The following TFPT variants were observed in gnomAD, a reference collection of about 807,000 sequenced individuals.
The protein encoded by TFPT is TCF3 fusion partner.
Under a neutral mutation model 28.8 loss-of-function variants are expected in TFPT, and 27 were observed. The observed-to-expected ratio is 0.94, with a 90% CI of 0.69 to 1.29. The LOEUF is 1.29. TFPT is among the 50% of genes most tolerant of loss of function. TFPT has a pLI of 0.00. For synonymous variants in TFPT, 152 were observed against 142.8 expected, an observed-to-expected ratio of 1.06 and a Z score of -0.46; for missense variants, 330 against 338.0, an observed-to-expected ratio of 0.98 and a Z score of 0.19.
chr19:54,110,190 T>C (rs2073414528), intron 2 of TFPT, 69 bp from the exon 3 acceptor site: 1 of 1,544,874 alleles, frequency 6.5e-7, no homozygotes, highest in Non-Finnish European at 8.9e-7. Flanking sequence ...GGATGTTTAA[T>C]GGGGCACGCA....
rs745524150 is a variant in TFPT at position 54,108,212 on chromosome 19, G to A, written c.456C>T (p.Thr152=). ...GAGGCTCATTCTCCGCATTGCCTGG[G>A]GTGGGGGCATCCGTGCCCTGGCTGC... ...DEGSQGTDAP[T]PGNAENEPPE... Residue 152 remains threonine (T), a synonymous_variant, in exon 5 of 6, where the codon ACC becomes ACT. Coordinates refer to ENST00000391759, the MANE Select transcript of TFPT (RefSeq NM_013342.4). The A allele has an allele frequency of 6.3e-7, 1 of 1,598,498 alleles. No homozygotes were observed.
Position 54,108,207 on chromosome 19 carries a change from C to A in TFPT, c.461G>T (p.Gly154Val). Residue 154 changes from glycine to valine, a missense_variant, in exon 5 of 6, where the codon GGC becomes GTC. Physicochemically the swap from Gly to Val is moderately radical, Grantham distance 109. Transcript: ENST00000391759. Reference protein sequence around the residue: ...GSQGTDAPTPGNAENEPPEKE... With the variant: ...GSQGTDAPTPVNAENEPPEKE... ...CTCTGGAGGCTCATTCTCCGCATTGCCTGGGGTGGGGGCATCCGTGCCCTG... is the reference window on the plus strand; with the variant it reads ...CTCTGGAGGCTCATTCTCCGCATTGACTGGGGTGGGGGCATCCGTGCCCTG... The A allele has an allele frequency of 6.3e-7, 1 of 1,598,142 alleles. No homozygotes were observed. Among genetic ancestry groups the A allele is most frequent in the African/African-American group, 1.3e-5 (1 of 74,742 alleles).
chr19:54,111,070 C>T (rs1459088209), intron 2 of TFPT, among the ~76,000 whole-genome samples: 2 of 152,064 alleles, frequency 1.3e-5, no homozygotes, highest in Admixed American at 1.3e-4. Flanking sequence ...GCCCGTGGGC[C>T]CAGACTTGAA....
intron 5 of TFPT, chr19:54,107,417 T>C (rs587645804): frequency 5.8e-6 from 3 of 520,294 alleles, no homozygotes; most frequent in African/African-American, 1.9e-5. Flanking sequence ...GCCTAACATG[T>C]TTTTTCTTTT....
intron 3 of TFPT, 61 bp downstream of exon 3, chr19:54,109,990 G>C (rs1490816575): frequency 6.4e-7 from 1 of 1,551,802 alleles, no homozygotes; most frequent in East Asian, 2.2e-5. Flanking sequence ...GAGAGACAGA[G>C]GGGCTGGGAG....
At chr19:54,114,391 C>G (rs771850775) in intron 2 of TFPT, 51 bp downstream of exon 2, 2 of 1,569,314 alleles carry the variant, frequency 1.3e-6, no homozygotes, top group Non-Finnish European at 8.6e-7. Flanking sequence ...TTGCGGGGGG[C>G]GGTAGTTTAG....
intron 3 of TFPT, among the ~76,000 whole-genome samples, chr19:54,109,824 T>C (rs796130545): frequency 0.065 from 3,361 of 51,846 alleles, 47 homozygotes; most frequent in African/African-American, 0.12. Flanking sequence ...TCAGTCCCAG[T>C]GCTCAGCCCT....
rs1221230100 is a variant in TFPT at position 54,108,227 on chromosome 19, G to T, written c.441C>A (p.Gly147=). The change falls in exon 5 of 6, where the codon GGC becomes GGA. Residue 147 remains glycine (G), a synonymous_variant. Coordinates refer to ENST00000391759, the MANE Select transcript of TFPT (RefSeq NM_013342.4). ...CATTGCCTGGGGTGGGGGCATCCGT[G>T]CCCTGGCTGCCCTCATCCTGGCAGG... ...TIVLEDEGSQ[G]TDAPTPGNAE... is the part of the protein sequence containing the mutation. The T allele has an allele frequency of 1.9e-6, 3 of 1,590,722 alleles. No individual in the cohort carries two copies. In the African/African-American group the frequency reaches 4.0e-5, roughly 21 times the overall value.
At chr19:54,109,631 G>A (rs1419227960) in intron 3 of TFPT, among the ~76,000 whole-genome samples, 4 of 152,134 alleles carry the variant, frequency 2.6e-5, no homozygotes, top group Admixed American at 1.3e-4. Context: ...CAACCCTGCC[G>A]CAGCCTCATG....
intron 2 of TFPT, among the ~76,000 whole-genome samples, chr19:54,113,858 A>T (rs587765393): frequency 6.6e-6 from 1 of 152,008 alleles, no homozygotes; most frequent in South Asian, 2.1e-4. Flanking sequence ...CACCTGGCTA[A>T]TTTTTTTGTA....
chr19:54,111,143 G>A (rs776476184), intron 2 of TFPT, among the ~76,000 whole-genome samples: 5 of 152,180 alleles, frequency 3.3e-5, no homozygotes, highest in Non-Finnish European at 7.3e-5. Flanking sequence ...AGCCCTGCAC[G>A]CAGCTTCTGA....
chr19:54,110,698 T>C (rs1408525122), intron 2 of TFPT, among the ~76,000 whole-genome samples: 1 of 151,490 alleles, frequency 6.6e-6, no homozygotes, highest in African/African-American at 2.4e-5. Context: ...CGAGGTTCTG[T>C]TTCAAAAAAA....
intron 2 of TFPT, 103 bp from the exon 3 acceptor site, chr19:54,110,224 G>C: frequency 7.8e-7 from 1 of 1,274,800 alleles, no homozygotes. Context: ...ACTGGCCAAA[G>C]ACCATCCCGT....
intron 5 of TFPT, 54 bp from the exon 6 acceptor site, chr19:54,107,223 A>G (rs1018934619): frequency 9.5e-6 from 15 of 1,580,800 alleles, no homozygotes; most frequent in Non-Finnish European, 1.2e-5. Context: ...AGAAAATCCC[A>G]TCAGCTTCAC....
intron 1 of TFPT, 64 bp from the exon 2 acceptor site, chr19:54,114,764 A>G: frequency 2.1e-6 from 3 of 1,453,024 alleles, no homozygotes; most frequent in Non-Finnish European, 2.7e-6. Flanking sequence ...CTCCCACTGA[A>G]CCAGGAGCCC....
chr19:54,114,315 T>C lies in TFPT; in HGVS notation c.282+127A>G, dbSNP rs1323795203. The stretch of plus-strand genomic sequence containing the variant: ...ACATAATGCATGCTAAATGACTGAA[T>C]ATATAAGCTAAATGACTGAATATAT... On this transcript the variant is annotated intron_variant, in intron 2 of 5. Transcript: ENST00000391759. 4 of 1,432,248 alleles carry C rather than the reference T, an allele frequency of 2.8e-6. No homozygotes were observed. The African/African-American group carries it at 5.7e-5, about 21-fold the overall frequency. 88.7% of individuals were successfully genotyped at this position (1,432,248 alleles called of 1,614,324 possible). A position where few individuals can be genotyped will look rare whatever the true frequency, so the allele number is the denominator to read the frequency against.
chr19:54,109,470 C>G (rs1447246940), intron 3 of TFPT, among the ~76,000 whole-genome samples: 1 of 152,166 alleles, frequency 6.6e-6, no homozygotes, highest in Non-Finnish European at 1.5e-5. Flanking sequence ...CTGTGGTTGA[C>G]TCAGCAACGT....
At position 54,108,543 on chromosome 19, in the gene TFPT, G is replaced by A. The variant is rs752309385; in HGVS notation, c.354-148C>T. The A allele has an allele frequency of 2.5e-6, 4 of 1,610,806 alleles. No individual in the cohort carries two copies. In the East Asian group the frequency reaches 8.9e-5, roughly 36 times the overall value. On this transcript the variant is annotated intron_variant, in intron 3 of 5. Coordinates refer to ENST00000391759, the MANE Select transcript of TFPT (RefSeq NM_013342.4). ...CCTGAGCTCTGGCACTGGAGGCCTG[G>A]GAGCCATGCCCTTGACCAGCCTTGA...
Position 54,115,235 on chromosome 19 carries a change from T to C in TFPT, c.23+12A>G, listed in dbSNP as rs749155177. 1 of 1,614,126 alleles carries C rather than the reference T, an allele frequency of 6.2e-7. No homozygotes were observed. Among genetic ancestry groups the C allele is most frequent in the East Asian group, 2.2e-5 (1 of 44,880 alleles). On this transcript the variant is annotated intron_variant, in intron 1 of 5. Transcript: ENST00000391759. ...GGGATTCGCACTTTTTCACAAGGGC[T>C]CAGCCACATACCCTTCTCTCTGCTC...
Sources: gnomAD v4.1 joint callset for allele counts (sites outside exome capture counted in the v4.1 genomes callset) on GRCh38, gnomAD v4.1.1 for gene constraint, MANE v1.5 for transcripts, NCBI Gene and HGNC (gene_info 2026-07-23, HGNC 2026-07-21) for gene names.